LUZP2: variants seen among roughly 807,000 people sequenced by gnomAD.
LUZP2 encodes the protein leucine zipper protein 2.
A neutral mutation model predicts 51.6 loss-of-function variants in LUZP2; 52 were observed. The ratio of observed to expected loss-of-function variants is 1.01; its 90% CI spans 0.81 to 1.27. The LOEUF (loss-of-function observed/expected upper bound fraction) is 1.27. Among genes scored for constraint, LUZP2 ranks in the 50% most tolerant of loss-of-function variants. LUZP2 has a pLI of 0.00. For synonymous variants in LUZP2, 154 were observed against 137.3 expected (o/e 1.12, Z -0.85); for missense variants, 436 against 395.4 (o/e 1.10, Z -0.87).
At chr11:24,783,643 C>T (rs1418228459) in intron 5 of LUZP2, among the ~76,000 whole-genome samples, 2 of 151,798 alleles carry the variant, frequency 1.3e-5, no homozygotes, top group Non-Finnish European at 2.9e-5. Context: ...GTGGAGGACT[C>T]TGATTTGTTC....
chr11:24,511,554 T>G (rs558814051), intron 1 of LUZP2, among the ~76,000 whole-genome samples: 1 of 152,146 alleles, frequency 6.6e-6, no homozygotes, highest in South Asian at 2.1e-4. Context: ...AAAATAGGAG[T>G]ATTCATAAGT....
intron 1 of LUZP2, chr11:24,701,126 A>G (rs12798775): frequency 0.22 from 33,901 of 152,506 alleles, 3,994 homozygotes; most frequent in East Asian, 0.35. Flanking sequence ...CAGAGGTTAA[A>G]TCCTGTTCCA....
chr11:25,043,547 A>T (rs1858145120), intron 9 of LUZP2, among the ~76,000 whole-genome samples: 3 of 78,450 alleles, frequency 3.8e-5, no homozygotes, highest in African/African-American at 8.7e-5. Flanking sequence ...TGCAAAAAAA[A>T]GAAGCTCTGC....
intron 9 of LUZP2, among the ~76,000 whole-genome samples, chr11:25,025,660 T>C (rs1857468719): frequency 6.6e-6 from 1 of 152,114 alleles, no homozygotes; most frequent in African/African-American, 2.4e-5. Flanking sequence ...CTGGGGAGGA[T>C]GTGGAGAACT....
intron 1 of LUZP2, among the ~76,000 whole-genome samples, chr11:24,675,850 G>T (rs111563973): frequency 1.3e-5 from 2 of 149,308 alleles, no homozygotes; most frequent in African/African-American, 2.5e-5. Flanking sequence ...ACAGAGTCTC[G>T]CTCTGTTGCC....
chr11:24,866,136 A>G (rs1025110061), intron 5 of LUZP2, among the ~76,000 whole-genome samples: 12 of 107,160 alleles, frequency 1.1e-4, no homozygotes, highest in African/African-American at 3.6e-4. Flanking sequence ...ACACACACAC[A>G]CACACACACA....
At chr11:24,529,655 T>C (rs374422340) in intron 1 of LUZP2, among the ~76,000 whole-genome samples, 1 of 151,020 alleles carries the variant, frequency 6.6e-6, no homozygotes, top group Non-Finnish European at 1.5e-5. Flanking sequence ...TTGTTTAAGG[T>C]CACTGGTGAC....
chr11:25,031,998 T>TA (rs1857703443), intron 9 of LUZP2, among the ~76,000 whole-genome samples: 1 of 152,024 alleles, frequency 6.6e-6, no homozygotes, highest in Non-Finnish European at 1.5e-5. Flanking sequence ...ACAAGGGACC[T>TA]AAAAATTGGA....
intron 1 of LUZP2, among the ~76,000 whole-genome samples, chr11:24,574,389 C>T (rs1446708553): frequency 1.5e-5 from 1 of 68,804 alleles, no homozygotes; most frequent in Non-Finnish European, 3.1e-5. Flanking sequence ...TTTCTTCTTT[C>T]TTTCATCTCT....
chr11:24,627,774 A>G (rs1482054611), intron 1 of LUZP2, among the ~76,000 whole-genome samples: 2 of 152,166 alleles, frequency 1.3e-5, no homozygotes, highest in African/African-American at 4.8e-5. Flanking sequence ...TAGCCTTACA[A>G]GGTCATGCCA....
intron 1 of LUZP2, among the ~76,000 whole-genome samples, chr11:24,577,785 T>G (rs1056376261): frequency 1.3e-5 from 2 of 152,166 alleles, no homozygotes; most frequent in African/African-American, 2.4e-5. Context: ...TTATAGATAA[T>G]GGAACTGAAA....
chr11:24,697,081 A>C (rs1465406475), intron 1 of LUZP2, among the ~76,000 whole-genome samples: 1 of 152,194 alleles, frequency 6.6e-6, no homozygotes, highest in African/African-American at 2.4e-5. Context: ...AGGTCTGTTA[A>C]GGTCAAGGAA....
chr11:24,549,586 C>G (rs1851663654), intron 1 of LUZP2, among the ~76,000 whole-genome samples: 1 of 151,888 alleles, frequency 6.6e-6, no homozygotes, highest in Non-Finnish European at 1.5e-5. Context: ...CAAGCGGAAG[C>G]AAGTAGGTGT....
At chr11:24,746,309 G>A (rs1054499090) in intron 4 of LUZP2, among the ~76,000 whole-genome samples, 6 of 152,118 alleles carry the variant, frequency 3.9e-5, no homozygotes, top group Admixed American at 1.3e-4. Context: ...CTTCATATAT[G>A]ATGCTTACTT....
Position 25,080,896 on chromosome 11 carries a change from T to G in LUZP2, c.*2238T>G, listed in dbSNP as rs1453350008. 1 of 152,130 alleles carries G rather than the reference T, an allele frequency of 6.6e-6. No homozygotes were observed. The highest frequency in any genetic ancestry group is 1.5e-5 in the Non-Finnish European group (1 of 68,032). 9.4% of individuals were successfully genotyped at this position (152,130 alleles called of 1,614,324 possible). A position where few individuals can be genotyped will look rare whatever the true frequency, so the allele number is the denominator to read the frequency against. ...TGAAATTGTTATGAGAGATAACATG[T>G]TGAAAGGTAAGAACTCAGGTTGATA... On this transcript the variant is annotated 3_prime_UTR_variant, in exon 12 of 12. Transcript: ENST00000336930.
intron 5 of LUZP2, among the ~76,000 whole-genome samples, chr11:24,836,994 A>G (rs1027563105): frequency 6.7e-6 from 1 of 150,298 alleles, no homozygotes; most frequent in East Asian, 1.9e-4. Flanking sequence ...CTCACCCTTT[A>G]AAGTCTTTCA....
chr11:24,770,931 G>T (rs1590490242), intron 5 of LUZP2, among the ~76,000 whole-genome samples: 1 of 138,248 alleles, frequency 7.2e-6, no homozygotes. Context: ...CCTGCCTGCT[G>T]CCCTGCCACT....
intron 1 of LUZP2, among the ~76,000 whole-genome samples, chr11:24,654,538 T>C (rs1855739113): frequency 6.6e-6 from 1 of 152,034 alleles, no homozygotes; most frequent in Non-Finnish European, 1.5e-5. Context: ...CCTCAGCCTC[T>C]GTTTCCCAGG....
Position 24,803,524 on chromosome 11 carries a change from T to A in LUZP2, c.396+40216T>A, listed in dbSNP as rs945397742. On this transcript the variant is annotated intron_variant, in intron 5 of 11. Transcript: ENST00000336930. Reference sequence around the variant, plus strand: ...AAGCAGAGTCTCAAAAAGATATTCATACACCAACATTTATAGCAGCGTTAT... The same window carrying A: ...AAGCAGAGTCTCAAAAAGATATTCAAACACCAACATTTATAGCAGCGTTAT... Among the ~76,000 whole-genome samples the A allele has an allele frequency of 2.7e-5, 4 of 149,166 alleles. No homozygotes were observed. In the South Asian group the frequency reaches 8.4e-4, roughly 31 times the overall value.
Sources: allele counts gnomAD v4.1 joint callset (sites outside exome capture counted in the v4.1 genomes callset), GRCh38; gene constraint gnomAD v4.1.1; transcripts MANE v1.5; gene names NCBI Gene and HGNC (gene_info 2026-07-23, HGNC 2026-07-21).